Variants in EFHC2 observed in about 807,000 individuals in gnomAD.
EFHC2 encodes EF-hand domain-containing family member C2.
Under a neutral mutation model 52.7 loss-of-function variants are expected in EFHC2, and 18 were observed. That is an observed-to-expected ratio of 0.34 (90% CI 0.24 to 0.51). The LOEUF (loss-of-function observed/expected upper bound fraction) is 0.51. Among genes scored for constraint, EFHC2 ranks in the 20% least tolerant of loss-of-function variants. The pLI is 0.97. For synonymous variants in EFHC2, 203 were observed against 204.1 expected (o/e 0.99, Z 0.04); for missense variants, 513 against 562.5 (o/e 0.91, Z 0.89).
rs773265380 is a variant in EFHC2, at chrX:44,326,717, A to AT, written c.43-13962dup. On this transcript the variant is annotated intron_variant, in intron 1 of 14. Coordinates refer to ENST00000420999, the MANE Select transcript of EFHC2 (RefSeq NM_025184.4). ...ATCCCTATTTTATGCATGGAGTCTG[A>AT]TTTTTTTTTTTTTTTTTTTTTTTTT... 6.0e-3 allele frequency among the ~76,000 whole-genome samples: 269 copies of AT among 45,053 alleles called. 17 individuals are homozygous for AT. Among genetic ancestry groups the AT allele is most frequent in the Non-Finnish European group, 6.7e-3 (174 of 25,826 alleles). The allele number at this position is 45,053 out of a possible 115,157, so 39.1% of individuals were successfully genotyped here. A position where few individuals can be genotyped will look rare whatever the true frequency, so the allele number is the denominator to read the frequency against.
chrX:44,305,747 G>A (rs2037901012), intron 2 of EFHC2, among the ~76,000 whole-genome samples: 2 of 111,867 alleles, frequency 1.8e-5, no homozygotes, highest in Admixed American at 1.9e-4. Flanking sequence ...AGGCAGCCTG[G>A]GCCTTAAACA....
At chrX:44,207,019 C>T (rs5953340) in intron 11 of EFHC2, among the ~76,000 whole-genome samples, 33,652 of 110,056 alleles carry the variant, frequency 0.31, 4,048 homozygotes, top group African/African-American at 0.43. Flanking sequence ...TAGGCACGTA[C>T]TAATAGATCA....
At chrX:44,161,145 G>A (rs935189811) in intron 14 of EFHC2, among the ~76,000 whole-genome samples, 16 of 111,596 alleles carry the variant, frequency 1.4e-4, no homozygotes, top group Non-Finnish European at 2.8e-4. Context: ...TGAGTGGAAT[G>A]GAAGAGGAAA....
At chrX:44,208,338 C>T (rs2037064932) in intron 11 of EFHC2, among the ~76,000 whole-genome samples, 1 of 111,935 alleles carries the variant, frequency 8.9e-6, no homozygotes. Flanking sequence ...TCCTATGCAG[C>T]AACATGGATG....
chrX:44,234,790 A>G (rs1212434419), intron 9 of EFHC2, among the ~76,000 whole-genome samples: 6 of 111,876 alleles, frequency 5.4e-5, no homozygotes, highest in Non-Finnish European at 5.6e-5. Context: ...ACAGAGAGGC[A>G]TTCTGTGGGC....
intron 1 of EFHC2, among the ~76,000 whole-genome samples, chrX:44,321,072 T>C (rs2038016686): frequency 8.9e-6 from 1 of 111,796 alleles, no homozygotes. Context: ...TAGACCAGGT[T>C]AATAGAAGTA....
intron 8 of EFHC2, among the ~76,000 whole-genome samples, chrX:44,239,002 G>T (rs2037341047): frequency 9.0e-6 from 1 of 111,410 alleles, no homozygotes; most frequent in South Asian, 3.8e-4. Context: ...TCAAGAACTA[G>T]TTATTCACTA....
chrX:44,170,350 C>T (rs889097825), intron 13 of EFHC2, among the ~76,000 whole-genome samples: 17 of 111,118 alleles, frequency 1.5e-4, no homozygotes, highest in African/African-American at 5.2e-4. Flanking sequence ...GCACTCTATA[C>T]ACCATGCTTG....
At chrX:44,236,779 G>A (rs918008112) in intron 8 of EFHC2, among the ~76,000 whole-genome samples, 3 of 111,036 alleles carry the variant, frequency 2.7e-5, no homozygotes, top group Admixed American at 9.6e-5. Context: ...TAGTGTGGGG[G>A]GAAGCTATGC....
chrX:44,168,382 A>G (rs1352126229), intron 13 of EFHC2, among the ~76,000 whole-genome samples: 1 of 110,833 alleles, frequency 9.0e-6, no homozygotes, highest in African/African-American at 3.3e-5. Flanking sequence ...AATACAAAAA[A>G]TTAGCTGGGC....
chrX:44,280,951 A>C (rs1325988898), intron 2 of EFHC2, among the ~76,000 whole-genome samples: 1 of 111,095 alleles, frequency 9.0e-6, no homozygotes. Context: ...ATGAAGTCTC[A>C]CTCTGTCACC....
chrX:44,300,677 C>A (rs1339377257), intron 2 of EFHC2, among the ~76,000 whole-genome samples: 1 of 111,647 alleles, frequency 9.0e-6, no homozygotes, highest in Admixed American at 9.5e-5. Context: ...CCCCTTCCTG[C>A]CTAGGGACTA....
At chrX:44,243,933 T>C (rs2037380058) in intron 7 of EFHC2, among the ~76,000 whole-genome samples, 1 of 111,740 alleles carries the variant, frequency 8.9e-6, no homozygotes, top group African/African-American at 3.3e-5. Flanking sequence ...ATCATAGCCA[T>C]GGCAGGAGAG....
intron 11 of EFHC2, among the ~76,000 whole-genome samples, chrX:44,207,452 G>A (rs1041107085): frequency 7.2e-5 from 8 of 110,455 alleles, no homozygotes; most frequent in African/African-American, 1.3e-4. Flanking sequence ...CGGAGGTTAC[G>A]GTGAGCTGAG....
chrX:44,291,421 A>G, intron 2 of EFHC2, among the ~76,000 whole-genome samples: 1 of 112,247 alleles, frequency 8.9e-6, no homozygotes, highest in Non-Finnish European at 1.9e-5. Context: ...ATTTTTTTGT[A>G]TTACAAAAAT....
chrX:44,190,864 G>A (rs2036914484), intron 11 of EFHC2, among the ~76,000 whole-genome samples: 1 of 111,453 alleles, frequency 9.0e-6, no homozygotes, highest in Non-Finnish European at 1.9e-5. Context: ...GTGTGGATGT[G>A]TGAGTGCACC....
rs747549955 is a variant in EFHC2 at position 44,254,553 on chromosome X, C to T, written c.607-4108G>A. Among the ~76,000 whole-genome samples the T allele has an allele frequency of 6.3e-5, 7 of 111,307 alleles. No homozygotes were observed. In the East Asian group the frequency reaches 1.4e-3, roughly 23 times the overall value. ...GGAAGATCAACTTAATGAAATAAAG[C>T]GTGAAGACAAGATTAGAGAAGAAAG... On this transcript the variant is annotated intron_variant, in intron 4 of 14. Transcript: ENST00000420999.
At chrX:44,255,949 T>A (rs1314848430) in intron 4 of EFHC2, among the ~76,000 whole-genome samples, 3 of 111,851 alleles carry the variant, frequency 2.7e-5, no homozygotes, top group African/African-American at 9.8e-5. Context: ...GCAATCAACT[T>A]AGAACTCAGG....
intron 2 of EFHC2, chrX:44,309,748 A>G: frequency 1.0e-6 from 1 of 974,975 alleles, no homozygotes; most frequent in South Asian, 1.9e-5. Context: ...CTTGAGCCAG[A>G]ATATCGATGC....
Sources: gnomAD v4.1 joint callset for allele counts (sites outside exome capture counted in the v4.1 genomes callset) on GRCh38, gnomAD v4.1.1 for gene constraint, MANE v1.5 for transcripts, NCBI Gene and HGNC (gene_info 2026-07-23, HGNC 2026-07-21) for gene names.